Variants in NCAM1 observed in about 807,000 individuals in gnomAD.
NCAM1 encodes the protein antigen recognized by monoclonal antibody 5.1H11.
Under a neutral mutation model 109.8 loss-of-function variants are expected in NCAM1, and 14 were observed. The observed-to-expected ratio is 0.13, with a 90% CI of 0.08 to 0.20. The LOEUF (loss-of-function observed/expected upper bound fraction) is 0.20, where lower values mean the gene tolerates loss of function less well. Among genes scored for constraint, NCAM1 ranks in the 10% least tolerant of loss-of-function variants. The pLI, the probability that NCAM1 is intolerant of heterozygous loss-of-function variation, is 1.00. For missense variants in NCAM1, 774 were observed against 1,109.9 expected (o/e 0.70, Z 4.30); for synonymous variants, 418 against 442.9 (o/e 0.94, Z 0.70).
At chr11:113,252,076 G>A (rs1317844106) in intron 15 of NCAM1, among the ~76,000 whole-genome samples, 2 of 152,176 alleles carry the variant, frequency 1.3e-5, no homozygotes. Context: ...CACCAAGTCG[G>A]TCAAAATCTC....
At chr11:113,109,446 G>A (rs1329410436) in intron 1 of NCAM1, among the ~76,000 whole-genome samples, 2 of 151,972 alleles carry the variant, frequency 1.3e-5, no homozygotes, top group Non-Finnish European at 2.9e-5. Flanking sequence ...TCTGGCCTGT[G>A]CAGCTAGTGC....
chr11:113,197,407 G>T (rs547746383), intron 1 of NCAM1, among the ~76,000 whole-genome samples: 2 of 152,186 alleles, frequency 1.3e-5, no homozygotes, highest in East Asian at 3.9e-4. Context: ...AATACTTAAG[G>T]CTCATTTCTA....
At position 113,204,520 on chromosome 11, in the gene NCAM1, T is replaced by C; in HGVS notation, c.346+16T>C. On this transcript the variant is annotated intron_variant, in intron 3 of 19. Coordinates refer to ENST00000316851, the MANE Select transcript of NCAM1 (RefSeq NM_181351.5). Reference sequence around the variant, plus strand: ...AAGATCTTTCGTAAGAGCCTCCTTCTTCTTCTGCATTCTCTGGCCTCTCCT... The same window carrying C: ...AAGATCTTTCGTAAGAGCCTCCTTCCTCTTCTGCATTCTCTGGCCTCTCCT... 1 of 1,610,882 alleles carries C rather than the reference T, an allele frequency of 6.2e-7. No homozygotes were observed. The highest frequency in any genetic ancestry group is 1.1e-5 in the South Asian group (1 of 90,840).
At chr11:113,221,208 A>T in intron 8 of NCAM1, 88 bp from the exon 9 acceptor site, 1 of 1,328,250 alleles carries the variant, frequency 7.5e-7, no homozygotes, top group Non-Finnish European at 1.0e-6. Context: ...CTGCATGTGC[A>T]CGGAATGCAG....
At chr11:113,196,356 A>G (rs1943855652) in intron 1 of NCAM1, among the ~76,000 whole-genome samples, 1 of 152,214 alleles carries the variant, frequency 6.6e-6, no homozygotes, top group South Asian at 2.1e-4. Context: ...TGTTCTGACC[A>G]GCAATTCAAA....
chr11:113,157,136 G>GACACACACACACACACAC (rs112454729), intron 1 of NCAM1, among the ~76,000 whole-genome samples: 196 of 146,958 alleles, frequency 1.3e-3, no homozygotes, highest in African/African-American at 4.4e-3. Context: ...GTTTCCCTGA[G>GACACACACACACACACAC]ACACACACAC....
At chr11:113,078,112 G>A (rs1591306291) in intron 1 of NCAM1, among the ~76,000 whole-genome samples, 1 of 152,156 alleles carries the variant, frequency 6.6e-6, no homozygotes, top group South Asian at 2.1e-4. Flanking sequence ...TTAGAACCTA[G>A]AAGTCTAAAA....
At chr11:113,224,088 G>A (rs1464933820) in intron 9 of NCAM1, among the ~76,000 whole-genome samples, 1 of 152,228 alleles carries the variant, frequency 6.6e-6, no homozygotes, top group Non-Finnish European at 1.5e-5. Context: ...AGTGGGTTCA[G>A]GACAGTGGGT....
chr11:113,145,910 T>G (rs1489502820), intron 1 of NCAM1, among the ~76,000 whole-genome samples: 3 of 152,186 alleles, frequency 2.0e-5, no homozygotes, highest in Non-Finnish European at 4.4e-5. Flanking sequence ...AGCATCGCCA[T>G]AGAAATTGAC....
At position 113,176,743 on chromosome 11, in the gene NCAM1, G is replaced by GT. The variant is rs201518737; in HGVS notation, c.53-25627dup. Among the ~76,000 whole-genome samples the GT allele has an allele frequency of 6.9e-4, 104 of 151,254 alleles. 1 individual carries two copies. Among genetic ancestry groups the GT allele is most frequent in the South Asian group, 1.5e-3 (7 of 4,748 alleles). The stretch of plus-strand genomic sequence containing the variant: ...TTTTTCTGTGTGTTTAATTTATGTG[G>GT]TTTTTTTTTCTCTATGGCTATGGGA... On this transcript the variant is annotated intron_variant, in intron 1 of 19. Coordinates refer to ENST00000316851, the MANE Select transcript of NCAM1 (RefSeq NM_181351.5).
intron 1 of NCAM1, among the ~76,000 whole-genome samples, chr11:113,020,771 A>T (rs138373854): frequency 7.2e-5 from 11 of 151,960 alleles, no homozygotes; most frequent in African/African-American, 2.7e-4. Context: ...TTATTATTAT[A>T]ATTGGAAGGG....
intron 1 of NCAM1, among the ~76,000 whole-genome samples, chr11:113,023,292 T>G (rs1952445680): frequency 1.3e-5 from 2 of 152,228 alleles, no homozygotes; most frequent in African/African-American, 4.8e-5. Context: ...GAAACATTGA[T>G]TCCCTCTTAG....
intron 1 of NCAM1, among the ~76,000 whole-genome samples, chr11:113,106,284 A>G (rs1555092565): frequency 6.6e-6 from 1 of 152,212 alleles, no homozygotes; most frequent in East Asian, 1.9e-4. Context: ...CTTTTTTTCT[A>G]TAACAACAAA....
At chr11:113,247,327 TCAC>T (rs1555120433) in intron 15 of NCAM1, among the ~76,000 whole-genome samples, 1 of 152,122 alleles carries the variant, frequency 6.6e-6, no homozygotes, top group African/African-American at 2.4e-5. Context: ...GCTACATGGA[TCAC>T]GAAAGCAAAA....
At chr11:113,014,966 C>T (rs776214039) in intron 1 of NCAM1, among the ~76,000 whole-genome samples, 4 of 152,192 alleles carry the variant, frequency 2.6e-5, no homozygotes, top group Admixed American at 2.6e-4. Context: ...GCCCAGCCAC[C>T]GTCTGCTTGG....
At position 113,214,575 on chromosome 11, in the gene NCAM1, C is replaced by T. The variant is rs1325696283; in HGVS notation, c.1059+64C>T. On this transcript the variant is annotated intron_variant, in intron 8 of 19. Transcript: ENST00000316851. ...AGACTCAAAGCAGATTGAGTCTGCT[C>T]ATGCCCAGTTCTCTTTGGGGAGCTG... is the stretch of plus-strand genomic sequence containing the variant. 10 of 1,512,266 alleles carry T rather than the reference C, an allele frequency of 6.6e-6. No individual in the cohort carries two copies. In the East Asian group the frequency reaches 7.3e-5, roughly 11 times the overall value. 93.7% of individuals were successfully genotyped at this position (1,512,266 alleles called of 1,614,324 possible).
intron 1 of NCAM1, among the ~76,000 whole-genome samples, chr11:112,993,425 CA>C (rs1951516223): frequency 6.6e-6 from 1 of 152,138 alleles, no homozygotes; most frequent in African/African-American, 2.4e-5. Context: ...AAGCATCTTC[CA>C]CTAGACCCCA....
intron 1 of NCAM1, among the ~76,000 whole-genome samples, chr11:113,108,075 C>T (rs531282701): frequency 2.0e-5 from 3 of 152,270 alleles, no homozygotes; most frequent in East Asian, 3.9e-4. Context: ...ATTAAACCAA[C>T]GTTGCCCATA....
At chr11:113,260,925 G>A (rs539666710) in intron 17 of NCAM1, among the ~76,000 whole-genome samples, 55 of 152,302 alleles carry the variant, frequency 3.6e-4, no homozygotes, top group Middle Eastern at 3.4e-3. Context: ...AAAGCAATCC[G>A]GTCTGCTAGA....
Sources: gnomAD v4.1 joint callset for allele counts (sites outside exome capture counted in the v4.1 genomes callset) on GRCh38, gnomAD v4.1.1 for gene constraint, MANE v1.5 for transcripts, NCBI Gene and HGNC (gene_info 2026-07-23, HGNC 2026-07-21) for gene names.